The following MYOM2 variants were observed in gnomAD, a reference collection of about 807,000 sequenced individuals.
MYOM2 encodes myomesin-2.
MYOM2 carries 254 observed loss-of-function variants against 187.6 expected under a neutral mutation model. The observed-to-expected ratio is 1.35, with a 90% CI of 1.22 to 1.50. The LOEUF (loss-of-function observed/expected upper bound fraction) is 1.50, where lower values mean the gene tolerates loss of function less well. Ranked by LOEUF, MYOM2 falls within the 40% of genes most tolerant of loss-of-function variation. MYOM2 has a pLI of 0.00. For synonymous variants in MYOM2, 981 were observed against 753.8 expected, an observed-to-expected ratio of 1.30 and a Z score of -4.94; for missense variants, 2,796 against 1,924.0, an observed-to-expected ratio of 1.45 and a Z score of -8.48.
At position 2,079,503 on chromosome 8, in the gene MYOM2, C is replaced by T. The variant is rs181756568; in HGVS notation, c.1463-57C>T. 2,905 of 1,563,508 alleles carry T rather than the reference C, an allele frequency of 1.9e-3. 12 individuals are homozygous for T. Among genetic ancestry groups the T allele is most frequent in the South Asian group, 7.8e-3 (702 of 90,060 alleles). On this transcript the variant is annotated intron_variant, in intron 12 of 36. Transcript: ENST00000262113. ...AGAGCTGGCACAGAATGAGGGAAAA[C>T]GGGCTTTTGGGGAAAACTTCGCATG... is the stretch of plus-strand genomic sequence containing the variant.
intron 25 of MYOM2, among the ~76,000 whole-genome samples, chr8:2,115,140 C>A (rs1797196838): frequency 6.9e-6 from 1 of 144,324 alleles, no homozygotes. Context: ...GTAAAAATAT[C>A]AAGCCCCCAA....
At chr8:2,143,242 C>A in intron 35 of MYOM2, 159 bp from the exon 36 acceptor site, 8 of 816,628 alleles carry the variant, frequency 9.8e-6, no homozygotes, top group South Asian at 1.6e-5. Flanking sequence ...GTTTATCCCT[C>A]AACTGTAAAC....
rs1563086508 is a variant in MYOM2 at position 2,142,379 on chromosome 8, G to A, written c.4006G>A (p.Ala1336Thr). The A allele has an allele frequency of 1.1e-5, 17 of 1,613,712 alleles. No individual in the cohort carries two copies. The highest frequency in any genetic ancestry group is 1.2e-5 in the Non-Finnish European group (14 of 1,179,708). Residue 1336 changes from alanine (A) to threonine (T), a missense_variant, in exon 35 of 37, where the codon GCT becomes ACT. Coordinates refer to ENST00000262113, the MANE Select transcript of MYOM2 (RefSeq NM_003970.4). ...TCTGTCCCCTTTAACTTTTAGAGCT[G>A]CTGCTTTTGCAGAGAAGAGTAAGTA... is the stretch of plus-strand genomic sequence containing the variant. ...AFAEFQQFKAAAFAEKNRGRL... is the reference protein window; with the variant it reads ...AFAEFQQFKATAFAEKNRGRL...
chr8:2,106,414 A>C lies in MYOM2; in HGVS notation c.2891+16A>C. On this transcript the variant is annotated intron_variant, in intron 22 of 36. Coordinates refer to ENST00000262113, the MANE Select transcript of MYOM2 (RefSeq NM_003970.4). ...TGGGGGATCAGTAAGTGAGGCCTGG[A>C]AGTTGGATACTGGAAACTTTTAGAA... The C allele has an allele frequency of 1.9e-6, 3 of 1,612,866 alleles. No homozygotes were observed. The highest frequency in any genetic ancestry group is 2.5e-6 in the Non-Finnish European group (3 of 1,178,900).
intron 1 of MYOM2, among the ~76,000 whole-genome samples, chr8:2,045,919 C>A (rs1458386950): frequency 6.6e-6 from 1 of 152,214 alleles, no homozygotes; most frequent in Non-Finnish European, 1.5e-5. Context: ...GAACACCTGG[C>A]CTTTTCTAAT....
intron 8 of MYOM2, among the ~76,000 whole-genome samples, chr8:2,071,684 G>A (rs571308348): frequency 1.3e-5 from 2 of 152,304 alleles, no homozygotes; most frequent in East Asian, 3.9e-4. Context: ...GCAGTGGCTT[G>A]TCTCCGCTCC....
intron 14 of MYOM2, among the ~76,000 whole-genome samples, chr8:2,086,188 C>CGTG (rs1796032312): frequency 4.7e-4 from 2 of 4,276 alleles, no homozygotes; most frequent in Non-Finnish European, 1.1e-3. Flanking sequence ...GCCCCACTGT[C>CGTG]ATGATCTCTG....
chr8:2,060,937 C>A lies in MYOM2; in HGVS notation c.653+1692C>A, dbSNP rs374356993. Among the ~76,000 whole-genome samples the A allele has an allele frequency of 3.0e-3, 450 of 151,574 alleles. 2 individuals carry two copies. The highest frequency in any genetic ancestry group is 0.01 in the African/African-American group (425 of 41,264). On this transcript the variant is annotated intron_variant, in intron 6 of 36. Transcript: ENST00000262113. ...AGTGAGACCAAGGAGTAGGGTAGGG[C>A]GGATGGGAAATTACTAGGGGGAGAT...
intron 25 of MYOM2, among the ~76,000 whole-genome samples, chr8:2,112,068 G>T (rs1464791041): frequency 6.6e-6 from 1 of 152,184 alleles, no homozygotes; most frequent in Non-Finnish European, 1.5e-5. Flanking sequence ...GCTGTTGGGA[G>T]CTTGGGCGGT....
In MYOM2 at chr8:2,140,838, T is replaced by G; in HGVS notation, c.3916T>G (p.Phe1306Val). ...TAAAGGAAAATACACTTTTGAGATTTTCGATGGCAAAGACAACCATCAACG... is the reference window on the plus strand; with the variant it reads ...TAAAGGAAAATACACTTTTGAGATTGTCGATGGCAAAGACAACCATCAACG... ...KDKGKYTFEI[F>V]DGKDNHQRSL... is the part of the protein sequence containing the mutation. The change falls in exon 33 of 37, where the codon TTC (phenylalanine) becomes GTC (valine). Residue 1306 changes from phenylalanine (F) to valine (V), a missense_variant. Physicochemically the swap from Phe to Val is conservative, Grantham distance 50. Coordinates refer to ENST00000262113, the MANE Select transcript of MYOM2 (RefSeq NM_003970.4). 6.2e-7 allele frequency: 1 copy of G among 1,614,098 alleles called. No individual in the cohort carries two copies. The highest frequency in any genetic ancestry group is 8.5e-7 in the Non-Finnish European group (1 of 1,179,980).
Position 2,069,436 on chromosome 8 carries a change from C to G in MYOM2, c.743-11C>G, listed in dbSNP as rs1213675391. 1.2e-6 allele frequency: 2 copies of G among 1,614,086 alleles called. No individual in the cohort carries two copies. The highest frequency in any genetic ancestry group is 8.5e-7 in the Non-Finnish European group (1 of 1,180,024). Reference sequence around the variant, plus strand: ...TCTCTTTTCTGCTGCACTCACTTTGCTGTCTTGCAGGGTTCCGGGGAGACG... The same window carrying G: ...TCTCTTTTCTGCTGCACTCACTTTGGTGTCTTGCAGGGTTCCGGGGAGACG... On this transcript the variant is annotated splice_polypyrimidine_tract_variant and intron_variant, in intron 7 of 36. Coordinates refer to ENST00000262113, the MANE Select transcript of MYOM2 (RefSeq NM_003970.4).
At chr8:2,048,224 C>A (rs1379764091) in intron 1 of MYOM2, among the ~76,000 whole-genome samples, 2 of 152,192 alleles carry the variant, frequency 1.3e-5, no homozygotes, top group Non-Finnish European at 2.9e-5. Flanking sequence ...AGTGGAATTG[C>A]CTGGTATTCG....
intron 31 of MYOM2, among the ~76,000 whole-genome samples, chr8:2,127,026 C>G (rs1797672574): frequency 1.3e-5 from 2 of 151,894 alleles, no homozygotes; most frequent in South Asian, 4.2e-4. Flanking sequence ...GCTGGGGGAG[C>G]TGCTTCTGGT....
intron 32 of MYOM2, 67 bp from the exon 33 acceptor site, chr8:2,140,656 C>T (rs772537350): frequency 1.3e-6 from 2 of 1,521,422 alleles, no homozygotes; most frequent in Non-Finnish European, 1.8e-6. Context: ...CGGGACATTG[C>T]CCTGTAGACA....
intron 25 of MYOM2, among the ~76,000 whole-genome samples, chr8:2,114,436 T>G (rs1797169667): frequency 6.6e-6 from 1 of 152,126 alleles, no homozygotes; most frequent in South Asian, 2.1e-4. Flanking sequence ...GGCAAATGTT[T>G]GTGGTTTGGT....
intron 19 of MYOM2, chr8:2,100,580 A>T: frequency 2.6e-6 from 1 of 383,652 alleles, no homozygotes; most frequent in Non-Finnish European, 4.8e-6. Flanking sequence ...CCTTTCCCGC[A>T]CACCGTTCCT....
At chr8:2,078,271 C>T (rs1047102696) in intron 11 of MYOM2, among the ~76,000 whole-genome samples, 6 of 152,156 alleles carry the variant, frequency 3.9e-5, no homozygotes, top group Non-Finnish European at 8.8e-5. Flanking sequence ...GACCTGGGCC[C>T]TTGGTCTCAC....
At chr8:2,133,974 A>T (rs1797966178) in intron 32 of MYOM2, among the ~76,000 whole-genome samples, 1 of 150,838 alleles carries the variant, frequency 6.6e-6, no homozygotes, top group African/African-American at 2.5e-5. Context: ...CGTCTTCTGT[A>T]GCCACCTCCA....
In MYOM2 at chr8:2,057,643, G is replaced by T; in HGVS notation, c.423G>T (p.Trp141Cys). The change falls in exon 5 of 37, where the codon TGG becomes TGT. Residue 141 changes from tryptophan to cysteine, a missense_variant. By Grantham distance (215) the Trp-to-Cys change is radical (BLOSUM62 -2). Coordinates refer to ENST00000262113, the MANE Select transcript of MYOM2 (RefSeq NM_003970.4). ...GGCAGATGGAGGACAAGCTGGCCTG[G>T]GAGAGACACACATTTGAAGAGCGGA... ...IQQMMEDKLA[W>C]ERHTFEERIS... The T allele has an allele frequency of 6.2e-7, 1 of 1,614,118 alleles. No individual in the cohort carries two copies.
Sources: allele counts gnomAD v4.1 joint callset (sites outside exome capture counted in the v4.1 genomes callset), GRCh38; gene constraint gnomAD v4.1.1; transcripts MANE v1.5; gene names NCBI Gene and HGNC (gene_info 2026-07-23, HGNC 2026-07-21).